The following F3 variants were observed in gnomAD, a reference collection of about 807,000 sequenced individuals.
The protein encoded by F3 is coagulation factor III, tissue factor, also known as tissue factor.
A neutral mutation model predicts 33.5 loss-of-function variants in F3; 18 were observed. The ratio of observed to expected loss-of-function variants is 0.54; its 90% CI spans 0.37 to 0.80. F3 has a LOEUF of 0.80. F3 is among the 30% of genes least tolerant of loss of function. The pLI is 0.00. For missense variants in F3, 353 were observed against 362.1 expected (o/e 0.97, Z 0.20); for synonymous variants, 147 against 140.7 (o/e 1.05, Z -0.32).
At chr1:94,537,121 G>A (rs888325589) in intron 2 of F3, among the ~76,000 whole-genome samples, 1 of 152,120 alleles carries the variant, frequency 6.6e-6, no homozygotes. Flanking sequence ...AGTACAGGTA[G>A]TATCTGTCTA....
intron 3 of F3, among the ~76,000 whole-genome samples, chr1:94,534,311 C>T (rs1231465563): frequency 1.3e-5 from 2 of 152,092 alleles, no homozygotes; most frequent in Non-Finnish European, 2.9e-5. Flanking sequence ...AACAGTCAAC[C>T]GATAGGTAGG....
intron 2 of F3, among the ~76,000 whole-genome samples, chr1:94,537,953 T>C (rs1408611781): frequency 2.6e-5 from 4 of 152,138 alleles, no homozygotes; most frequent in Non-Finnish European, 5.9e-5. Flanking sequence ...CTATGTAACA[T>C]AGAGATACAG....
chr1:94,531,724 G>A (rs1286601086), intron 5 of F3, among the ~76,000 whole-genome samples: 2 of 152,250 alleles, frequency 1.3e-5, no homozygotes, highest in Non-Finnish European at 2.9e-5. Flanking sequence ...AAGGCCCACA[G>A]CACTTCCGGT....
chr1:94,530,518 C>A lies in F3; in HGVS notation c.830G>T (p.Cys277Phe). ...VIILAISLHK[C>F]RKAGVGQSWK... ...GCTCTGCCCCACTCCTGCCTTTCTA[C>A]ACTTGTGTAGAGATATAGCCAGGAT... is the stretch of plus-strand genomic sequence containing the variant. The change falls in exon 6 of 6, where the codon TGT becomes TTT. Residue 277 changes from cysteine to phenylalanine, a missense_variant. Coordinates refer to ENST00000334047, the MANE Select transcript of F3 (RefSeq NM_001993.5). 1.2e-6 allele frequency: 2 copies of A among 1,614,144 alleles called. No homozygotes were observed. Among genetic ancestry groups the A allele is most frequent in the Non-Finnish European group, 1.7e-6 (2 of 1,180,020 alleles).
At chr1:94,535,358 G>A (rs979447398) in intron 3 of F3, among the ~76,000 whole-genome samples, 1 of 152,110 alleles carries the variant, frequency 6.6e-6, no homozygotes, top group Admixed American at 6.5e-5. Flanking sequence ...AGCTTACAGG[G>A]GCAAAGGCTG....
At position 94,541,554 on chromosome 1, in the gene F3, TG is replaced by T; in HGVS notation, c.82del (p.Gln28ArgfsTer17). ...RTLLLGWVFA[Q>X]VAGASGTTNT... ...CCACTCACCTGAAGCGCCGGCCACC[TG>T]GGCGAAGACCCAGCCGAGCAGGAGC... is the stretch of plus-strand genomic sequence containing the variant. On this transcript the variant is annotated frameshift_variant, in exon 1 of 6. Coordinates refer to ENST00000334047, the MANE Select transcript of F3 (RefSeq NM_001993.5). LOFTEE classifies it high-confidence loss of function. 1 of 1,502,448 alleles carries T rather than the reference TG, an allele frequency of 6.7e-7. No individual in the cohort carries two copies. The highest frequency in any genetic ancestry group is 2.2e-5 in the Admixed American group (1 of 45,698). The allele number at this position is 1,502,448 out of a possible 1,614,324, so 93.1% of individuals were successfully genotyped here. A position where few individuals can be genotyped will look rare whatever the true frequency, so the allele number is the denominator to read the frequency against.
At position 94,540,366 on chromosome 1, in the gene F3, T is replaced by C; in HGVS notation, c.103A>G (p.Thr35Ala). 1 of 1,608,880 alleles carries C rather than the reference T, an allele frequency of 6.2e-7. No homozygotes were observed. Among genetic ancestry groups the C allele is most frequent in the Middle Eastern group, 1.7e-4 (1 of 6,056 alleles). ...TTATATGCTGCCACAGTATTTGTAG[T>C]GCCTTTAAACAACAGAGAAACAGCT... ...VFAQVAGASGTTNTVAAYNLT... is the reference protein window; with the variant it reads ...VFAQVAGASGATNTVAAYNLT... The change falls in exon 2 of 6, where the codon ACT becomes GCT. Residue 35 changes from threonine to alanine, a missense_variant and splice_region_variant. Coordinates refer to ENST00000334047, the MANE Select transcript of F3 (RefSeq NM_001993.5).
intron 3 of F3, 49 bp downstream of exon 3, chr1:94,535,916 T>G (rs1247470805): frequency 1.9e-6 from 3 of 1,544,212 alleles, no homozygotes; most frequent in Non-Finnish European, 2.7e-6. Flanking sequence ...ACGAGAATGT[T>G]CAGACGTTTC....
At chr1:94,538,178 T>A (rs768011677) in intron 2 of F3, among the ~76,000 whole-genome samples, 42 of 152,244 alleles carry the variant, frequency 2.8e-4, no homozygotes, top group Non-Finnish European at 5.0e-4. Context: ...TGATTTGGAA[T>A]TTTGAGTTAA....
chr1:94,538,666 G>A (rs1651684686), intron 2 of F3, among the ~76,000 whole-genome samples: 2 of 152,198 alleles, frequency 1.3e-5, no homozygotes, highest in Admixed American at 1.3e-4. Context: ...CATCAGTGTA[G>A]TCATGAATAA....
At chr1:94,535,593 G>T (rs554878721) in intron 3 of F3, among the ~76,000 whole-genome samples, 1 of 152,210 alleles carries the variant, frequency 6.6e-6, no homozygotes, top group African/African-American at 2.4e-5. Context: ...TAACGGGACA[G>T]AAAAATCAGG....
intron 4 of F3, 167 bp downstream of exon 4, chr1:94,532,923 A>C: frequency 1.5e-6 from 1 of 677,284 alleles, no homozygotes; most frequent in South Asian, 1.9e-5. Flanking sequence ...CACAGGTAGG[A>C]CCAGGCCTGT....
chr1:94,533,642 A>T (rs1026224047), intron 3 of F3, among the ~76,000 whole-genome samples: 1 of 152,140 alleles, frequency 6.6e-6, no homozygotes, highest in African/African-American at 2.4e-5. Flanking sequence ...TTTAAATAAA[A>T]GTTACACCAA....
At chr1:94,531,201 C>T (rs773139143) in intron 5 of F3, among the ~76,000 whole-genome samples, 1 of 152,002 alleles carries the variant, frequency 6.6e-6, no homozygotes, top group Non-Finnish European at 1.5e-5. Context: ...CCTCTCCTGT[C>T]AGTGGCAATA....
intron 2 of F3, among the ~76,000 whole-genome samples, chr1:94,539,161 A>G (rs1376959716): frequency 2.0e-5 from 3 of 152,190 alleles, no homozygotes; most frequent in Non-Finnish European, 4.4e-5. Flanking sequence ...CTAATTCTCA[A>G]TTGGTGAAAT....
intron 2 of F3, among the ~76,000 whole-genome samples, chr1:94,537,592 T>C (rs2101092973): frequency 6.6e-6 from 1 of 152,304 alleles, no homozygotes; most frequent in East Asian, 1.9e-4. Context: ...AATTAATACA[T>C]AATCTCAGGG....
chr1:94,540,220 C>T (rs1186000129), intron 2 of F3, 37 bp downstream of exon 2: 11 of 1,342,952 alleles, frequency 8.2e-6, no homozygotes, highest in Non-Finnish European at 1.2e-5. Context: ...GTAGAAACAT[C>T]AAAGACCTTA....
rs1006924707 is a variant in F3 at position 94,529,738 on chromosome 1, T to C, written c.*722A>G. ...AAAAGTCCTAGAAATGCACCCAATT[T>C]CCTTCCATTTTACTTTCCTACATGG... On this transcript the variant is annotated 3_prime_UTR_variant, in exon 6 of 6. Transcript: ENST00000334047. The C allele has an allele frequency of 6.6e-6, 1 of 152,106 alleles. No homozygotes were observed. Among genetic ancestry groups the C allele is most frequent in the Non-Finnish European group, 1.5e-5 (1 of 68,002 alleles). The allele number at this position is 152,106 out of a possible 1,614,324, so 9.4% of individuals were successfully genotyped here.
Position 94,541,536 on chromosome 1 carries a change from C to T in F3, c.100+1G>A. The T allele has an allele frequency of 6.7e-7, 1 of 1,490,464 alleles. No homozygotes were observed. Among genetic ancestry groups the T allele is most frequent in the Non-Finnish European group, 8.9e-7 (1 of 1,121,168 alleles). The allele number at this position is 1,490,464 out of a possible 1,614,324, so 92.3% of individuals were successfully genotyped here. On this transcript the variant is annotated splice_donor_variant, in intron 1 of 5. Coordinates refer to ENST00000334047, the MANE Select transcript of F3 (RefSeq NM_001993.5). LOFTEE classifies it high-confidence loss of function. ...GGCTTCCAGGGGCTGGTGCCACTCACCTGAAGCGCCGGCCACCTGGGCGAA... is the reference window on the plus strand; with the variant it reads ...GGCTTCCAGGGGCTGGTGCCACTCATCTGAAGCGCCGGCCACCTGGGCGAA...
Sources: allele counts gnomAD v4.1 joint callset (sites outside exome capture counted in the v4.1 genomes callset), GRCh38; gene constraint gnomAD v4.1.1; transcripts MANE v1.5; gene names NCBI Gene and HGNC (gene_info 2026-07-23, HGNC 2026-07-21).